CFAP43: variants seen among roughly 807,000 people sequenced by gnomAD.
CFAP43 encodes cilia and flagella associated protein 43.
Under a neutral mutation model 218.9 loss-of-function variants are expected in CFAP43, and 155 were observed. That is an observed-to-expected ratio of 0.71 (90% CI 0.62 to 0.81). The LOEUF is 0.81. CFAP43 is among the 30% of genes least tolerant of loss of function. CFAP43 has a pLI of 0.00. For synonymous variants in CFAP43, 645 were observed against 681.3 expected (o/e 0.95, Z 0.83); for missense variants, 1,778 against 1,954.3 (o/e 0.91, Z 1.70).
At chr10:104,163,336 T>C (rs758083167) in intron 24 of CFAP43, among the ~76,000 whole-genome samples, 2 of 152,216 alleles carry the variant, frequency 1.3e-5, no homozygotes, top group Non-Finnish European at 2.9e-5. Flanking sequence ...GCCCAGCCAA[T>C]ATCCAGCAGA....
intron 27 of CFAP43, among the ~76,000 whole-genome samples, chr10:104,157,666 T>C (rs1431305656): frequency 6.6e-6 from 1 of 151,544 alleles, no homozygotes; most frequent in African/African-American, 2.4e-5. Flanking sequence ...GACCTAAATA[T>C]TAAATGAAGG....
chr10:104,188,193 A>G (rs1378585501), intron 13 of CFAP43, 77 bp downstream of exon 13: 1 of 1,554,462 alleles, frequency 6.4e-7, no homozygotes, highest in Non-Finnish European at 8.7e-7. Flanking sequence ...CAAGATAAAA[A>G]CAAAACAAAC....
At chr10:104,181,636 A>G (rs2089848121) in intron 17 of CFAP43, among the ~76,000 whole-genome samples, 1 of 152,096 alleles carries the variant, frequency 6.6e-6, no homozygotes, top group African/African-American at 2.4e-5. Flanking sequence ...GCTCGCTTCA[A>G]CTGCACAGGT....
At chr10:104,226,109 G>A (rs1477456987) in intron 2 of CFAP43, among the ~76,000 whole-genome samples, 3 of 152,178 alleles carry the variant, frequency 2.0e-5, no homozygotes, top group Non-Finnish European at 2.9e-5. Context: ...TTTAAAATGC[G>A]TATCATGGGG....
chr10:104,198,170 G>T, intron 8 of CFAP43, 132 bp from the exon 9 acceptor site: 1 of 531,464 alleles, frequency 1.9e-6, no homozygotes, highest in Non-Finnish European at 3.3e-6. Flanking sequence ...GATCAACTCA[G>T]TAAGACCTTG....
intron 19 of CFAP43, among the ~76,000 whole-genome samples, chr10:104,177,823 C>T (rs2089685442): frequency 6.6e-6 from 1 of 152,150 alleles, no homozygotes; most frequent in Non-Finnish European, 1.5e-5. Context: ...CACTGGAAGC[C>T]AGGAGACAAT....
chr10:104,217,606 T>C (rs1032275830), intron 3 of CFAP43, among the ~76,000 whole-genome samples: 2 of 152,170 alleles, frequency 1.3e-5, no homozygotes, highest in African/African-American at 4.8e-5. Flanking sequence ...TGACATGGCC[T>C]CCACTGCGAA....
At chr10:104,179,187 C>A (rs2089736098) in intron 18 of CFAP43, 81 bp from the exon 19 acceptor site, 2 of 1,207,468 alleles carry the variant, frequency 1.7e-6, no homozygotes, top group Non-Finnish European at 2.4e-6. Flanking sequence ...GAGAGCAATT[C>A]TCTAGAAACA....
At chr10:104,226,115 T>C (rs569180763) in intron 2 of CFAP43, among the ~76,000 whole-genome samples, 1 of 152,304 alleles carries the variant, frequency 6.6e-6, no homozygotes, top group African/African-American at 2.4e-5. Context: ...ATGCGTATCA[T>C]GGGGAGGCCA....
chr10:104,175,929 G>GGCA (rs1418478846), intron 19 of CFAP43, among the ~76,000 whole-genome samples: 1 of 152,102 alleles, frequency 6.6e-6, no homozygotes, highest in Non-Finnish European at 1.5e-5. Flanking sequence ...GTTCAGAGCT[G>GGCA]GCAGATAAAT....
At chr10:104,195,934 G>A (rs758883938) in intron 10 of CFAP43, among the ~76,000 whole-genome samples, 3 of 152,194 alleles carry the variant, frequency 2.0e-5, no homozygotes, top group Non-Finnish European at 4.4e-5. Context: ...CCAGGGCTGA[G>A]TTTGTGCATT....
intron 2 of CFAP43, among the ~76,000 whole-genome samples, chr10:104,226,836 T>A (rs2091315784): frequency 6.6e-6 from 1 of 152,082 alleles, no homozygotes; most frequent in South Asian, 2.1e-4. Context: ...CTGGCCAACA[T>A]GGTAAAACCT....
At chr10:104,204,755 C>G (rs1283119854) in intron 7 of CFAP43, among the ~76,000 whole-genome samples, 1 of 152,152 alleles carries the variant, frequency 6.6e-6, no homozygotes, top group Non-Finnish European at 1.5e-5. Flanking sequence ...TAAAATGTCT[C>G]TCACCCTGAT....
intron 34 of CFAP43, among the ~76,000 whole-genome samples, chr10:104,140,367 G>C (rs1357696624): frequency 6.6e-6 from 1 of 152,170 alleles, no homozygotes; most frequent in Non-Finnish European, 1.5e-5. Context: ...GGTGGGGTCT[G>C]AGCACATTTA....
chr10:104,213,930 A>G (rs931494585), intron 4 of CFAP43, among the ~76,000 whole-genome samples: 1 of 152,208 alleles, frequency 6.6e-6, no homozygotes, highest in Non-Finnish European at 1.5e-5. Flanking sequence ...CTTTTTATAC[A>G]ACAGGCATGT....
intron 7 of CFAP43, among the ~76,000 whole-genome samples, chr10:104,204,847 C>G (rs1015127737): frequency 6.6e-6 from 1 of 152,202 alleles, no homozygotes; most frequent in Non-Finnish European, 1.5e-5. Flanking sequence ...GGGATAGTTA[C>G]AACTAGACCT....
At chr10:104,139,709 G>A (rs1030510074) in intron 34 of CFAP43, among the ~76,000 whole-genome samples, 1 of 151,996 alleles carries the variant, frequency 6.6e-6, no homozygotes, top group Non-Finnish European at 1.5e-5. Context: ...TTACTAGCAG[G>A]CTTGTACTTC....
chr10:104,156,502 G>A (rs789210), intron 27 of CFAP43, among the ~76,000 whole-genome samples: 1,842 of 152,096 alleles, frequency 0.012, 26 homozygotes, highest in African/African-American at 0.043. Context: ...CTCCCAATTG[G>A]CCCCAAAGAG....
intron 27 of CFAP43, among the ~76,000 whole-genome samples, chr10:104,153,354 G>A (rs764686763): frequency 2.0e-5 from 3 of 151,970 alleles, no homozygotes. Flanking sequence ...GCACAACAGG[G>A]TGACTATAGT....
Sources: allele counts gnomAD v4.1 joint callset (sites outside exome capture counted in the v4.1 genomes callset), GRCh38; gene constraint gnomAD v4.1.1; transcripts MANE v1.5; gene names NCBI Gene and HGNC (gene_info 2026-07-23, HGNC 2026-07-21).